Variants in ABLIM2 observed in about 807,000 individuals in gnomAD.
The protein encoded by ABLIM2 is actin-binding LIM protein 2.
In ABLIM2, 53 loss-of-function variants were observed where a neutral mutation model predicts 97.7. That is an observed-to-expected ratio of 0.54 (90% CI 0.44 to 0.68). The LOEUF (loss-of-function observed/expected upper bound fraction) is 0.68, where lower values mean the gene tolerates loss of function less well. Among genes scored for constraint, ABLIM2 ranks in the 30% least tolerant of loss-of-function variants. ABLIM2 has a pLI of 0.00. For synonymous variants in ABLIM2, 361 were observed against 345.8 expected, an observed-to-expected ratio of 1.04 and a Z score of -0.49; for missense variants, 835 against 867.2, an observed-to-expected ratio of 0.96 and a Z score of 0.47.
Position 8,130,484 on chromosome 4 carries a change from G to C in ABLIM2, c.11-23847C>G, listed in dbSNP as rs1398570356. 1.3e-5 allele frequency among the ~76,000 whole-genome samples: 2 copies of C among 152,186 alleles called. No individual in the cohort carries two copies. Among genetic ancestry groups the C allele is most frequent in the Admixed American group, 6.5e-5 (1 of 15,288 alleles). On this transcript the variant is annotated intron_variant, in intron 1 of 20. Transcript: ENST00000447017. This position sits in a 1 kb window ranked among gnomAD's most constrained non-coding sequence, Gnocchi z 4.2. ...ACGCCGGCGCCGGGCACTGATCTGG[G>C]CCTTTCCACAGCTTTTTAGAATATC...
Position 8,082,609 on chromosome 4 carries a change from A to G in ABLIM2, c.455-1807T>C, listed in dbSNP as rs1820654838. On this transcript the variant is annotated intron_variant, in intron 4 of 20. Transcript: ENST00000447017. This position sits in a 1 kb window ranked among gnomAD's most constrained non-coding sequence, Gnocchi z 5.6. ...AGCTCAGGATTTCCTAAGTGACCAC[A>G]CTGTGCACATTCACATGCTACTTTG... Among the ~76,000 whole-genome samples, 2 of 152,270 alleles carry G rather than the reference A, an allele frequency of 1.3e-5. No homozygotes were observed. The highest frequency in any genetic ancestry group is 4.1e-4 in the South Asian group (2 of 4,832).
Position 8,058,338 on chromosome 4 carries a change from T to A in ABLIM2, c.763+2629A>T, listed in dbSNP as rs868823845. Among the ~76,000 whole-genome samples the A allele has an allele frequency of 2.0e-5, 3 of 152,188 alleles. No homozygotes were observed. In the South Asian group the frequency reaches 6.2e-4, roughly 32 times the overall value. Reference sequence around the variant, plus strand: ...ACACCGGGGACGAGGCTGTCCTGTCTGACATCACCCCGCTGGGTTCGGCCT... The same window carrying A: ...ACACCGGGGACGAGGCTGTCCTGTCAGACATCACCCCGCTGGGTTCGGCCT... On this transcript the variant is annotated intron_variant, in intron 7 of 20. Coordinates refer to ENST00000447017, the MANE Select transcript of ABLIM2 (RefSeq NM_001130083.2). This position sits in a 1 kb window ranked among gnomAD's most constrained non-coding sequence, Gnocchi z 4.2.
rs796824745 is a variant in ABLIM2, at chr4:8,147,403, C to T, written c.10+11277G>A. Among the ~76,000 whole-genome samples the T allele has an allele frequency of 2.6e-5, 4 of 152,280 alleles. No individual in the cohort carries two copies. Among genetic ancestry groups the T allele is most frequent in the African/African-American group, 9.6e-5 (4 of 41,534 alleles). ...TAATGCCTCCCCCAGAAGATATCCC[C>T]ATCTAATCGCTAAAACCTGTGACAT... is the stretch of plus-strand genomic sequence containing the variant. On this transcript the variant is annotated intron_variant, in intron 1 of 20. Coordinates refer to ENST00000447017, the MANE Select transcript of ABLIM2 (RefSeq NM_001130083.2). This position sits in a 1 kb window ranked among gnomAD's most constrained non-coding sequence, Gnocchi z 5.3.
rs372965779 is a variant in ABLIM2 at position 8,104,027 on chromosome 4, C to G, written c.154+2467G>C. Among the ~76,000 whole-genome samples the G allele has an allele frequency of 2.6e-4, 40 of 152,308 alleles. No individual in the cohort carries two copies. The South Asian group carries it at 7.7e-3, about 29-fold the overall frequency. ...TAAATCCCACGATGCCCTGGAAAGC[C>G]CTAATGAAAAGCATGAAATCCACTA... On this transcript the variant is annotated intron_variant, in intron 2 of 20. Coordinates refer to ENST00000447017, the MANE Select transcript of ABLIM2 (RefSeq NM_001130083.2).
rs189280446 is a variant in ABLIM2, at chr4:8,054,005, T to C, written c.822+183A>G. Among the ~76,000 whole-genome samples the C allele has an allele frequency of 1.6e-4, 24 of 152,334 alleles. No individual in the cohort carries two copies. Among genetic ancestry groups the C allele is most frequent in the Admixed American group, 4.6e-4 (7 of 15,304 alleles). On this transcript the variant is annotated intron_variant, in intron 8 of 20. Transcript: ENST00000447017. The surrounding 1 kb of genome is among the most constrained non-coding windows in gnomAD (Gnocchi z 4.9). ...AAAACAAAGATGCCCTTGTTCCATC[T>C]GTATTATTGCTCACCAGTCTACTTG...
At position 8,071,172 on chromosome 4, in the gene ABLIM2, C is replaced by A. The variant is rs1286319475; in HGVS notation, c.675+6456G>T. 2.9e-5 allele frequency among the ~76,000 whole-genome samples: 1 copy of A among 34,574 alleles called. No individual in the cohort carries two copies. Among genetic ancestry groups the A allele is most frequent in the Non-Finnish European group, 5.1e-5 (1 of 19,556 alleles). 22.7% of individuals were successfully genotyped at this position (34,574 alleles called of 152,430 possible). On this transcript the variant is annotated intron_variant, in intron 6 of 20. Coordinates refer to ENST00000447017, the MANE Select transcript of ABLIM2 (RefSeq NM_001130083.2). The surrounding 1 kb of genome is among the most constrained non-coding windows in gnomAD (Gnocchi z 6.2). ...CCAGCTCCCTCTGTGGGGGCAGCGC[C>A]ATCCGTCCCCAGCAGCTGGCTCTGC...
Position 8,072,873 on chromosome 4 carries a change from A to G in ABLIM2, c.675+4755T>C, listed in dbSNP as rs991970723. On this transcript the variant is annotated intron_variant, in intron 6 of 20. Transcript: ENST00000447017. This position sits in a 1 kb window ranked among gnomAD's most constrained non-coding sequence, Gnocchi z 5.8. ...CGCAGGCCCTGCAAGGCCCCTGGGG[A>G]AGTAGGGAGGGGTCGGTAAGAGGAG... Among the ~76,000 whole-genome samples the G allele has an allele frequency of 6.6e-6, 1 of 152,026 alleles. No individual in the cohort carries two copies. Among genetic ancestry groups the G allele is most frequent in the Non-Finnish European group, 1.5e-5 (1 of 68,006 alleles).
At chr4:8,060,283 G>A (rs763090654) in intron 7 of ABLIM2, among the ~76,000 whole-genome samples, 4 of 152,164 alleles carry the variant, frequency 2.6e-5, no homozygotes, top group South Asian at 2.1e-4. Context: ...GAGGAGAGAC[G>A]ACCAGTCCTC....
Position 8,020,187 on chromosome 4 carries a change from T to C in ABLIM2, c.1369+15A>G. ...TTCAGTGTAAGGAGCCCAGCCAGCG[T>C]GTCCCGGAGCCTACCTGGGACGTGG... On this transcript the variant is annotated intron_variant, in intron 13 of 20. Transcript: ENST00000447017. 1 of 1,608,396 alleles carries C rather than the reference T, an allele frequency of 6.2e-7. No individual in the cohort carries two copies. Among genetic ancestry groups the C allele is most frequent in the Admixed American group, 1.7e-5 (1 of 59,736 alleles).
In ABLIM2 at chr4:8,125,846, C is replaced by T. The variant is rs987575854; in HGVS notation, c.11-19209G>A. Among the ~76,000 whole-genome samples the T allele has an allele frequency of 6.6e-6, 1 of 152,232 alleles. No individual in the cohort carries two copies. Among genetic ancestry groups the T allele is most frequent in the African/African-American group, 2.4e-5 (1 of 41,464 alleles). The stretch of plus-strand genomic sequence containing the variant: ...CTCCAGCACCCCAGCCATGCCAGCT[C>T]GTCCTCCTGGGCAGGAGGGCGAACT... On this transcript the variant is annotated intron_variant, in intron 1 of 20. Coordinates refer to ENST00000447017, the MANE Select transcript of ABLIM2 (RefSeq NM_001130083.2). This position sits in a 1 kb window ranked among gnomAD's most constrained non-coding sequence, Gnocchi z 6.2.
chr4:8,041,820 C>T (rs367837545), intron 9 of ABLIM2, among the ~76,000 whole-genome samples: 3 of 151,884 alleles, frequency 2.0e-5, no homozygotes, highest in Non-Finnish European at 2.9e-5. Flanking sequence ...AGGAGAATGG[C>T]GTGAACCTGG....
intron 5 of ABLIM2, among the ~76,000 whole-genome samples, chr4:8,080,404 T>C (rs1819017498): frequency 1.3e-5 from 2 of 152,182 alleles, no homozygotes; most frequent in South Asian, 4.1e-4. Flanking sequence ...GCAGCCCTGG[T>C]AGCTCTGCTT....
At chr4:8,086,289 A>AC (rs1382910834) in intron 4 of ABLIM2, among the ~76,000 whole-genome samples, 2 of 92,942 alleles carry the variant, frequency 2.2e-5, no homozygotes, top group Non-Finnish European at 3.1e-5. Context: ...AACCTCAAAA[A>AC]AAAAAAAAAA....
intron 9 of ABLIM2, among the ~76,000 whole-genome samples, chr4:8,039,894 T>TTTTTTTTTTTTC (rs1553989809): frequency 6.9e-6 from 1 of 145,548 alleles, no homozygotes; most frequent in East Asian, 2.1e-4. Context: ...TTTTTTTTTT[T>TTTTTTTTTTTTC]TTAATAAATG....
chr4:8,144,939 C>T (rs749729122), intron 1 of ABLIM2, among the ~76,000 whole-genome samples: 8 of 152,352 alleles, frequency 5.3e-5, no homozygotes, highest in East Asian at 1.9e-4. Flanking sequence ...TGGGGAGACA[C>T]GCTCTGGGGA....
chr4:8,054,241 A>G lies in ABLIM2; in HGVS notation c.769T>C (p.Ser257Pro), dbSNP rs754938233. ...TGTCGACACGCCGGATGCCAGATGG[A>G]GGAACCTGTTGACAAATTCCCAAGA... ...EGEEMYLQGS[S>P]IWHPACRQAA... The change falls in exon 8 of 21, where the codon TCC becomes CCC. Residue 257 changes from serine (S) to proline (P), a missense_variant. Physicochemically the swap from Ser to Pro is moderately conservative, Grantham distance 74. Transcript: ENST00000447017. This position sits in a 1 kb window ranked among gnomAD's most constrained non-coding sequence, Gnocchi z 4.9. 1.2e-6 allele frequency: 2 copies of G among 1,614,048 alleles called. No homozygotes were observed. The highest frequency in any genetic ancestry group is 3.3e-5 in the Admixed American group (2 of 60,028).
rs1385763393 is a variant in ABLIM2, at chr4:8,150,489, T to C, written c.10+8191A>G. 1.3e-5 allele frequency among the ~76,000 whole-genome samples: 2 copies of C among 152,208 alleles called. No homozygotes were observed. The highest frequency in any genetic ancestry group is 6.5e-5 in the Admixed American group (1 of 15,284). ...GGCAGCATGCTAGCCGCAGTGACAC[T>C]GAGCACTTTTCTTGGTGCGCTGGCT... On this transcript the variant is annotated intron_variant, in intron 1 of 20. Transcript: ENST00000447017. The surrounding 1 kb of genome is among the most constrained non-coding windows in gnomAD (Gnocchi z 6.3).
Position 8,127,933 on chromosome 4 carries a change from C to T in ABLIM2, c.11-21296G>A, listed in dbSNP as rs1021093888. ...GCAGCAATAGTGAGCTCACAACCCC[C>T]ACAGCCCCGCGTGCTGGGAGTGACA... On this transcript the variant is annotated intron_variant, in intron 1 of 20. Coordinates refer to ENST00000447017, the MANE Select transcript of ABLIM2 (RefSeq NM_001130083.2). The surrounding 1 kb of genome is among the most constrained non-coding windows in gnomAD (Gnocchi z 7.3). 2.0e-5 allele frequency among the ~76,000 whole-genome samples: 3 copies of T among 152,310 alleles called. No individual in the cohort carries two copies. In the East Asian group the frequency reaches 5.8e-4, roughly 29 times the overall value.
chr4:7,971,662 C>A (rs1728147524), intron 20 of ABLIM2, among the ~76,000 whole-genome samples: 1 of 152,100 alleles, frequency 6.6e-6, no homozygotes, highest in Admixed American at 6.5e-5. Flanking sequence ...TGCGGTGAAG[C>A]CTCAGGGACC....
Sources: allele counts gnomAD v4.1 joint callset (sites outside exome capture counted in the v4.1 genomes callset), GRCh38; gene constraint gnomAD v4.1.1; non-coding constraint Gnocchi (gnomAD v3.1); transcripts MANE v1.5; gene names NCBI Gene and HGNC (gene_info 2026-07-23, HGNC 2026-07-21).